Variants in NPAS3 observed in about 807,000 individuals in gnomAD.
The protein encoded by NPAS3 is neuronal PAS domain protein 3.
A neutral mutation model predicts 73.1 loss-of-function variants in NPAS3; 14 were observed. The ratio of observed to expected loss-of-function variants is 0.19; its 90% CI spans 0.13 to 0.30. The LOEUF (loss-of-function observed/expected upper bound fraction) is 0.30, where lower values mean the gene tolerates loss of function less well. NPAS3 is among the 10% of genes least tolerant of loss of function. NPAS3 has a pLI of 1.00. For missense variants in NPAS3, 1,096 were observed against 1,250.0 expected (o/e 0.88, Z 1.86); for synonymous variants, 620 against 541.5 (o/e 1.14, Z -2.01).
chr14:33,098,647 G>A (rs899233662), intron 2 of NPAS3, among the ~76,000 whole-genome samples: 1 of 152,138 alleles, frequency 6.6e-6, no homozygotes, highest in Non-Finnish European at 1.5e-5. Context: ...CAAAGTTCCG[G>A]TCTCTACAGT....
intron 2 of NPAS3, among the ~76,000 whole-genome samples, chr14:33,122,668 C>T (rs1241144856): frequency 6.6e-6 from 1 of 151,976 alleles, no homozygotes; most frequent in Non-Finnish European, 1.5e-5. Flanking sequence ...TTACTTCATG[C>T]CAGGAAGGGG....
chr14:33,030,455 C>T (rs1465880574), intron 1 of NPAS3, among the ~76,000 whole-genome samples: 1 of 152,112 alleles, frequency 6.6e-6, no homozygotes, highest in Non-Finnish European at 1.5e-5. Flanking sequence ...GTTTAAAAAT[C>T]TCATTTTATT....
chr14:33,395,476 A>C (rs995407709), intron 4 of NPAS3, among the ~76,000 whole-genome samples: 7 of 152,038 alleles, frequency 4.6e-5, no homozygotes, highest in African/African-American at 1.7e-4. Context: ...TTACAGCCTG[A>C]TAAAAAGTTA....
chr14:33,204,290 G>T (rs1281014138), intron 2 of NPAS3, among the ~76,000 whole-genome samples: 2 of 152,028 alleles, frequency 1.3e-5, no homozygotes, highest in Non-Finnish European at 2.9e-5. Context: ...AAACATTTAG[G>T]CTCTTTATAT....
intron 5 of NPAS3, among the ~76,000 whole-genome samples, chr14:33,630,858 C>G (rs890266826): frequency 6.6e-6 from 1 of 152,154 alleles, no homozygotes; most frequent in Non-Finnish European, 1.5e-5. Flanking sequence ...GAGATCAGCT[C>G]TACTGAGAAA....
At chr14:33,200,916 T>C (rs1000546887) in intron 2 of NPAS3, among the ~76,000 whole-genome samples, 5 of 152,236 alleles carry the variant, frequency 3.3e-5, no homozygotes, top group Admixed American at 6.5e-5. Flanking sequence ...TTTGCTCATT[T>C]GCATAATTTT....
At chr14:33,160,484 C>A (rs1356505524) in intron 2 of NPAS3, among the ~76,000 whole-genome samples, 3 of 112,574 alleles carry the variant, frequency 2.7e-5, no homozygotes, top group Non-Finnish European at 5.0e-5. Flanking sequence ...CACACCGGGG[C>A]CTGTTGTGGG....
At chr14:33,468,509 C>T (rs2050632974) in intron 4 of NPAS3, among the ~76,000 whole-genome samples, 1 of 152,058 alleles carries the variant, frequency 6.6e-6, no homozygotes, top group African/African-American at 2.4e-5. Flanking sequence ...AAATGTGGAC[C>T]TGCCTTGTGG....
chr14:33,053,110 T>G (rs2040767916), intron 1 of NPAS3, among the ~76,000 whole-genome samples: 1 of 152,214 alleles, frequency 6.6e-6, no homozygotes, highest in South Asian at 2.1e-4. Context: ...ACAAAATACA[T>G]TTTAGCCAAC....
At chr14:32,966,732 T>TGCAGTCC (rs1239163904) in intron 1 of NPAS3, among the ~76,000 whole-genome samples, 12 of 67,104 alleles carry the variant, frequency 1.8e-4, no homozygotes, top group Non-Finnish European at 6.2e-5. Flanking sequence ...ATTGCGCCAC[T>TGCAGTCC]GCAGTCCGCA....
chr14:33,277,203 G>C (rs2041374456), intron 3 of NPAS3, among the ~76,000 whole-genome samples: 1 of 152,138 alleles, frequency 6.6e-6, no homozygotes, highest in South Asian at 2.1e-4. Context: ...ATTTTATAGA[G>C]TTGCTTGATT....
At chr14:33,666,408 G>A (rs1416741293) in intron 5 of NPAS3, among the ~76,000 whole-genome samples, 2 of 152,178 alleles carry the variant, frequency 1.3e-5, no homozygotes, top group Non-Finnish European at 2.9e-5. Context: ...AACCACCTCT[G>A]GGTGCAGACA....
Position 33,793,879 on chromosome 14 carries a change from TTTG to T in NPAS3, c.1154-15_1154-13del. ...CCCAGTCTTAATACAATGCCTCTGT[TTTG>T]TTTTTTTTCGCCAGTGCTGAATAAG... On this transcript the variant is annotated splice_polypyrimidine_tract_variant and intron_variant, in intron 9 of 11. Coordinates refer to ENST00000356141, the Ensembl canonical transcript of NPAS3. The T allele has an allele frequency of 6.2e-7, 1 of 1,604,710 alleles. No homozygotes were observed. Among genetic ancestry groups the T allele is most frequent in the South Asian group, 1.1e-5 (1 of 88,816 alleles).
chr14:33,485,902 C>T (rs559431403), intron 4 of NPAS3, among the ~76,000 whole-genome samples: 1 of 151,820 alleles, frequency 6.6e-6, no homozygotes, highest in Non-Finnish European at 1.5e-5. Flanking sequence ...GCTCAGGTTG[C>T]GTAGTGAACA....
chr14:33,494,485 C>T, intron 4 of NPAS3, among the ~76,000 whole-genome samples: 1 of 152,058 alleles, frequency 6.6e-6, no homozygotes, highest in East Asian at 1.9e-4. Context: ...TTTGGAACCT[C>T]AGTGTCTCAA....
At chr14:33,164,194 A>G (rs779263053) in intron 2 of NPAS3, among the ~76,000 whole-genome samples, 1 of 152,234 alleles carries the variant, frequency 6.6e-6, no homozygotes, top group Non-Finnish European at 1.5e-5. Context: ...TGGTTTCCCT[A>G]TCACCATTTT....
intron 1 of NPAS3, among the ~76,000 whole-genome samples, chr14:33,035,123 A>G (rs1040758649): frequency 3.3e-5 from 5 of 152,118 alleles, no homozygotes; most frequent in Non-Finnish European, 4.4e-5. Context: ...AGTTAGTCTT[A>G]TTTTCTGAAT....
chr14:33,399,711 C>T (rs773223487), intron 4 of NPAS3, among the ~76,000 whole-genome samples: 13 of 150,960 alleles, frequency 8.6e-5, no homozygotes, highest in Admixed American at 2.6e-4. Context: ...TTCCTTTCTA[C>T]GTGGTTATTT....
chr14:33,175,881 T>C (rs775839922), intron 2 of NPAS3, among the ~76,000 whole-genome samples: 3 of 152,170 alleles, frequency 2.0e-5, no homozygotes, highest in South Asian at 2.1e-4. Flanking sequence ...TCTTTAGTAA[T>C]GTTGAATCAA....
Sources: allele counts gnomAD v4.1 joint callset (sites outside exome capture counted in the v4.1 genomes callset), GRCh38; gene constraint gnomAD v4.1.1; transcripts MANE v1.5; gene names NCBI Gene and HGNC (gene_info 2026-07-23, HGNC 2026-07-21).